Variants in EAPP observed in about 807,000 individuals in gnomAD.
The protein encoded by EAPP is E2F associated phosphoprotein.
EAPP carries 38 observed loss-of-function variants against 34.3 expected under a neutral mutation model. The observed-to-expected ratio is 1.11, with a 90% CI of 0.85 to 1.45. The LOEUF is 1.45. Among genes scored for constraint, EAPP ranks in the 40% most tolerant of loss-of-function variants. The probability of loss-of-function intolerance (pLI) is 0.00; values close to 1 mark genes in which losing one functional copy is unlikely to be tolerated. For missense variants in EAPP, 338 were observed against 343.7 expected (o/e 0.98, Z 0.13); for synonymous variants, 113 against 117.6 (o/e 0.96, Z 0.25).
At chr14:34,537,846 G>C (rs559584966) in intron 1 of EAPP, among the ~76,000 whole-genome samples, 10 of 152,170 alleles carry the variant, frequency 6.6e-5, no homozygotes, top group South Asian at 6.2e-4. Context: ...TCATGTCTTC[G>C]GTCAGCTACC....
At chr14:34,516,632 A>C (rs757209501) in intron 5 of EAPP, 46 bp from the exon 6 acceptor site, 41 of 1,537,154 alleles carry the variant, frequency 2.7e-5, no homozygotes, top group Non-Finnish European at 3.2e-5. Context: ...GTTCTATGTT[A>C]ATAGTTTATC....
intron 2 of EAPP, among the ~76,000 whole-genome samples, chr14:34,533,976 C>A (rs1226412497): frequency 6.6e-6 from 1 of 152,136 alleles, no homozygotes; most frequent in Non-Finnish European, 1.5e-5. Flanking sequence ...TGCCCAGGAC[C>A]ATGACATTAC....
intron 3 of EAPP, among the ~76,000 whole-genome samples, chr14:34,531,567 A>C (rs1040785413): frequency 1.3e-5 from 2 of 152,024 alleles, no homozygotes; most frequent in South Asian, 4.1e-4. Flanking sequence ...ACGCCACTGC[A>C]CTCCAGCCTG....
intron 3 of EAPP, among the ~76,000 whole-genome samples, chr14:34,530,480 T>C (rs1040403705): frequency 6.6e-6 from 1 of 152,124 alleles, no homozygotes. Context: ...TGAGCTATAA[T>C]TGCACCACTG....
intron 4 of EAPP, among the ~76,000 whole-genome samples, chr14:34,526,779 G>A (rs575377666): frequency 1.1e-3 from 173 of 151,930 alleles, no homozygotes; most frequent in Middle Eastern, 6.8e-3. Flanking sequence ...GGCTGAGGCA[G>A]GGGGATCATT....
At chr14:34,520,586 G>C (rs1298174775) in intron 5 of EAPP, among the ~76,000 whole-genome samples, 1 of 151,704 alleles carries the variant, frequency 6.6e-6, no homozygotes, top group Admixed American at 6.6e-5. Flanking sequence ...ACTGCAACCT[G>C]TGCCTCCCAG....
rs201501047 is a variant in EAPP at position 34,524,841 on chromosome 14, T to G, written c.471-34A>C. On this transcript the variant is annotated intron_variant, in intron 4 of 5. Coordinates refer to ENST00000250454, the MANE Select transcript of EAPP (RefSeq NM_018453.4). ...GAAGAAGAAAGTGGGGAGAAAAACA[T>G]ATTAAAACCAGATCTTGGTTTCTAG... is the stretch of plus-strand genomic sequence containing the variant. 4.1e-3 allele frequency: 6,340 copies of G among 1,536,456 alleles called. 32 individuals carry two copies. Among genetic ancestry groups the G allele is most frequent in the Non-Finnish European group, 5.3e-3 (5,933 of 1,110,520 alleles).
intron 4 of EAPP, among the ~76,000 whole-genome samples, chr14:34,528,739 T>C (rs536557209): frequency 1.3e-5 from 2 of 151,378 alleles, no homozygotes; most frequent in South Asian, 4.2e-4. Flanking sequence ...AAACTCTTAA[T>C]CTCAAAGTAA....
intron 3 of EAPP, among the ~76,000 whole-genome samples, chr14:34,531,774 T>C (rs903030430): frequency 3.9e-5 from 6 of 151,986 alleles, no homozygotes; most frequent in African/African-American, 1.4e-4. Context: ...TTGCTCAAAT[T>C]TTATAAAAAT....
chr14:34,531,357 T>C (rs1880282692), intron 3 of EAPP, among the ~76,000 whole-genome samples: 1 of 151,104 alleles, frequency 6.6e-6, no homozygotes, highest in African/African-American at 2.4e-5. Flanking sequence ...AATCCCAGCA[T>C]TTTGGAAGCC....
At chr14:34,524,651 A>ATGTGTGTGTG (rs769159699) in intron 5 of EAPP, 46 bp downstream of exon 5, 18 of 1,000,360 alleles carry the variant, frequency 1.8e-5, no homozygotes, top group Non-Finnish European at 2.1e-5. Flanking sequence ...TTTAAACAAA[A>ATGTGTGTGTG]TATGTATGTG....
chr14:34,527,839 G>A (rs942664361), intron 4 of EAPP, among the ~76,000 whole-genome samples: 4 of 152,232 alleles, frequency 2.6e-5, no homozygotes, highest in Middle Eastern at 3.4e-3. Flanking sequence ...ACAGTACAGC[G>A]TTTCCTTTTG....
chr14:34,519,881 TTTTC>T (rs1346177438), intron 5 of EAPP, among the ~76,000 whole-genome samples: 2 of 148,814 alleles, frequency 1.3e-5, no homozygotes, highest in East Asian at 3.9e-4. Context: ...AGGTTCTTTC[TTTTC>T]TTTTTTTTTT....
chr14:34,519,724 C>T (rs1257044732), intron 5 of EAPP, among the ~76,000 whole-genome samples: 3 of 151,914 alleles, frequency 2.0e-5, no homozygotes, highest in Non-Finnish European at 2.9e-5. Context: ...TGTAACTCTT[C>T]CCTTCCTTAC....
intron 4 of EAPP, among the ~76,000 whole-genome samples, chr14:34,525,879 G>A (rs1880078059): frequency 6.6e-6 from 1 of 151,798 alleles, no homozygotes; most frequent in Admixed American, 6.6e-5. Context: ...AATTAGCTGG[G>A]CGTGGTGGCA....
intron 3 of EAPP, among the ~76,000 whole-genome samples, chr14:34,532,401 G>A (rs1169856877): frequency 6.6e-6 from 1 of 151,674 alleles, no homozygotes; most frequent in Admixed American, 6.6e-5. Context: ...ACAGGTTGCA[G>A]TGAACCAAGA....
chr14:34,527,979 T>A (rs1475432910), intron 4 of EAPP, among the ~76,000 whole-genome samples: 2 of 152,118 alleles, frequency 1.3e-5, no homozygotes, highest in Non-Finnish European at 2.9e-5. Flanking sequence ...TCAAAAAAAA[T>A]TTTTAACTGC....
intron 5 of EAPP, among the ~76,000 whole-genome samples, chr14:34,521,225 C>T (rs561157697): frequency 3.5e-4 from 53 of 151,974 alleles, no homozygotes; most frequent in Middle Eastern, 3.4e-3. Context: ...TGCACCACCA[C>T]GCCCAGCTAA....
intron 3 of EAPP, among the ~76,000 whole-genome samples, 180 bp from the exon 4 acceptor site, chr14:34,529,655 G>A (rs1310319029): frequency 6.6e-6 from 1 of 151,800 alleles, no homozygotes; most frequent in Non-Finnish European, 1.5e-5. Context: ...CAAGGTGGGT[G>A]GATCACCTGA....
Sources: gnomAD v4.1 joint callset for allele counts (sites outside exome capture counted in the v4.1 genomes callset) on GRCh38, gnomAD v4.1.1 for gene constraint, MANE v1.5 for transcripts, NCBI Gene and HGNC (gene_info 2026-07-23, HGNC 2026-07-21) for gene names.